The following ABCB7 variants were observed in gnomAD, a reference collection of about 807,000 sequenced individuals.
The protein encoded by ABCB7 is ATP binding cassette subfamily B member 7.
ABCB7 carries 7 observed loss-of-function variants against 54.4 expected under a neutral mutation model. The ratio of observed to expected loss-of-function variants is 0.13; its 90% CI spans 0.07 to 0.24. The LOEUF (loss-of-function observed/expected upper bound fraction) is 0.24, where lower values mean the gene tolerates loss of function less well. Among genes scored for constraint, ABCB7 ranks in the 10% least tolerant of loss-of-function variants. The probability of loss-of-function intolerance (pLI) is 1.00; values close to 1 mark genes in which losing one functional copy is unlikely to be tolerated. For synonymous variants in ABCB7, 218 were observed against 207.1 expected (o/e 1.05, Z -0.45); for missense variants, 356 against 570.4 (o/e 0.62, Z 3.83).
chrX:75,131,290 T>C (rs1022834385), intron 1 of ABCB7, among the ~76,000 whole-genome samples: 2 of 109,854 alleles, frequency 1.8e-5, no homozygotes, highest in African/African-American at 6.6e-5. Context: ...TAGAGTTTTA[T>C]ATCCAACTTA....
chrX:75,118,163 G>C (rs2081840650), intron 1 of ABCB7, among the ~76,000 whole-genome samples: 1 of 111,639 alleles, frequency 9.0e-6, no homozygotes, highest in African/African-American at 3.3e-5. Context: ...CACGTCCTTG[G>C]AAGCTTGACC....
intron 14 of ABCB7, among the ~76,000 whole-genome samples, chrX:75,061,736 TATGTA>T (rs1277028657): frequency 8.9e-6 from 1 of 112,224 alleles, no homozygotes; most frequent in Non-Finnish European, 1.9e-5. Context: ...GAGACTTTTG[TATGTA>T]ATGTAAAGAT....
In ABCB7 at chrX:75,060,173, A is replaced by G. The variant is rs776539715; in HGVS notation, c.2043+50T>C. The G allele has an allele frequency of 6.3e-5, 63 of 998,432 alleles. No homozygotes were observed. In the South Asian group the frequency reaches 1.2e-3, roughly 19 times the overall value. 82.3% of individuals were successfully genotyped at this position (998,432 alleles called of 1,213,427 possible). On this transcript the variant is annotated intron_variant, in intron 15 of 15. Transcript: ENST00000373394. ...AATATTTAAGCTTCTTGTATCTATA[A>G]CAATTTCCAGTGTTCCTCAAATACT...
Position 75,114,754 on chromosome X carries a change from C to T in ABCB7, c.246G>A (p.Lys82=), listed in dbSNP as rs985326671. The T allele has an allele frequency of 1.7e-6, 2 of 1,197,327 alleles. No homozygotes were observed. Among genetic ancestry groups the T allele is most frequent in the Non-Finnish European group, 2.3e-6 (2 of 885,867 alleles). ...TGTAGACATGTTTGCTCAATCTTAC[C>T]TTTGCAGCATCTAAGAACTGTCCTG... ...GNSGQFLDAA[K]ALQVWPLIEK... is the part of the protein sequence containing the mutation. The change falls in exon 2 of 16, where the codon AAG becomes AAA. Residue 82 remains lysine, a splice_region_variant and synonymous_variant. Transcript: ENST00000373394.
At chrX:75,059,253 G>A (rs2081263754) in intron 15 of ABCB7, among the ~76,000 whole-genome samples, 1 of 110,371 alleles carries the variant, frequency 9.1e-6, no homozygotes, top group African/African-American at 3.3e-5. Flanking sequence ...TAAGGTGGGC[G>A]GATCACCTGA....
chrX:75,115,266 CAAAAAAAAAAAAAAAAAAAAAA>C (rs1160024642), intron 1 of ABCB7, among the ~76,000 whole-genome samples: 30 of 13,255 alleles, frequency 2.3e-3, no homozygotes, highest in African/African-American at 9.4e-3. Context: ...GACTCTGTCT[CAAAAAAAAAAAAAAAAAAAAAA>C]AAAAAAAAAA....
intron 3 of ABCB7, among the ~76,000 whole-genome samples, chrX:75,102,694 T>A (rs4634815): frequency 1.8e-5 from 2 of 110,425 alleles, no homozygotes; most frequent in East Asian, 5.7e-4. Flanking sequence ...CTGGATCATA[T>A]GGTAGTTCTA....
intron 1 of ABCB7, among the ~76,000 whole-genome samples, chrX:75,127,734 G>A (rs1171930277): frequency 1.8e-5 from 2 of 112,104 alleles, no homozygotes; most frequent in Non-Finnish European, 3.8e-5. Flanking sequence ...AAATGGAAGT[G>A]CAAAAATCAC....
At chrX:75,152,960 G>A (rs1325377704) in intron 1 of ABCB7, among the ~76,000 whole-genome samples, 3 of 111,444 alleles carry the variant, frequency 2.7e-5, no homozygotes, top group African/African-American at 9.8e-5. Flanking sequence ...GGGCCAGGCC[G>A]CTTCAGGTAC....
In ABCB7 at chrX:75,144,616, C is replaced by CT. The variant is rs67676485; in HGVS notation, c.168+11488dup. ...TTATACTGACCTATTAGCATAGCTG[C>CT]TTTTTTTTTTTTTGGCTTTTCTGTA... On this transcript the variant is annotated intron_variant, in intron 1 of 15. Coordinates refer to ENST00000373394, the MANE Select transcript of ABCB7 (RefSeq NM_001271696.3). Among the ~76,000 whole-genome samples the CT allele has an allele frequency of 5.7e-4, 57 of 100,095 alleles. 1 individual carries two copies. The highest frequency in any genetic ancestry group is 2.0e-3 in the African/African-American group (55 of 27,304). 86.9% of individuals were successfully genotyped at this position (100,095 alleles called of 115,157 possible).
At chrX:75,090,958 T>C (rs1050354959) in intron 4 of ABCB7, among the ~76,000 whole-genome samples, 2 of 111,480 alleles carry the variant, frequency 1.8e-5, no homozygotes, top group Admixed American at 9.5e-5. Flanking sequence ...ATTAAATAAA[T>C]TGATTCAATA....
chrX:75,103,835 C>T (rs942686834), intron 3 of ABCB7, among the ~76,000 whole-genome samples: 3 of 109,085 alleles, frequency 2.8e-5, no homozygotes, highest in African/African-American at 9.9e-5. Flanking sequence ...TGTAACTTTA[C>T]CAAATTTATT....
chrX:75,143,498 C>G (rs1347882576), intron 1 of ABCB7, among the ~76,000 whole-genome samples: 1 of 111,652 alleles, frequency 9.0e-6, no homozygotes, highest in Non-Finnish European at 1.9e-5. Context: ...TGCCTGGTAC[C>G]CAGTGCCAAA....
At chrX:75,126,083 A>G (rs1205636373) in intron 1 of ABCB7, among the ~76,000 whole-genome samples, 2 of 111,629 alleles carry the variant, frequency 1.8e-5, no homozygotes, top group Non-Finnish European at 3.8e-5. Context: ...GCATTTTAAG[A>G]GCTAACTTTT....
intron 1 of ABCB7, among the ~76,000 whole-genome samples, chrX:75,143,296 A>G (rs1282941065): frequency 8.9e-6 from 1 of 111,874 alleles, no homozygotes; most frequent in Non-Finnish European, 1.9e-5. Context: ...TTGCTAAAAC[A>G]TACCAAGAGT....
intron 9 of ABCB7, among the ~76,000 whole-genome samples, chrX:75,070,985 A>G (rs985189392): frequency 9.1e-6 from 1 of 110,422 alleles, no homozygotes; most frequent in Non-Finnish European, 1.9e-5. Flanking sequence ...TGTGACCTAA[A>G]TATGTTTTCC....
At chrX:75,141,412 T>C (rs1261117329) in intron 1 of ABCB7, among the ~76,000 whole-genome samples, 1 of 110,566 alleles carries the variant, frequency 9.0e-6, no homozygotes, top group African/African-American at 3.3e-5. Flanking sequence ...TGTTTCTTGC[T>C]TATGTTTTTT....
chrX:75,106,320 AAAG>A (rs1208507012), intron 3 of ABCB7, among the ~76,000 whole-genome samples: 4 of 112,061 alleles, frequency 3.6e-5, no homozygotes, highest in African/African-American at 1.3e-4. Flanking sequence ...ATAGTTTTCA[AAAG>A]AAGACATATA....
chrX:75,139,269 A>G (rs2082037699), intron 1 of ABCB7, among the ~76,000 whole-genome samples: 2 of 111,719 alleles, frequency 1.8e-5, no homozygotes, highest in African/African-American at 6.5e-5. Flanking sequence ...TCTGACACCA[A>G]TTGACCTTTT....
Sources: gnomAD v4.1 joint callset for allele counts (sites outside exome capture counted in the v4.1 genomes callset) on GRCh38, gnomAD v4.1.1 for gene constraint, MANE v1.5 for transcripts, NCBI Gene and HGNC (gene_info 2026-07-23, HGNC 2026-07-21) for gene names.